Variants in FREM2 observed in about 807,000 individuals in gnomAD.
The protein encoded by FREM2 is FRAS1-related extracellular matrix protein 2.
FREM2 carries 119 observed loss-of-function variants against 219.9 expected under a neutral mutation model. The observed-to-expected ratio is 0.54, with a 90% CI of 0.47 to 0.63. FREM2 has a LOEUF of 0.63. FREM2 is among the 30% of genes least tolerant of loss of function. The pLI, the probability that FREM2 is intolerant of heterozygous loss-of-function variation, is 0.00. For missense variants in FREM2, 4,030 were observed against 3,993.6 expected (o/e 1.01, Z -0.25); for synonymous variants, 1,562 against 1,522.8 (o/e 1.03, Z -0.60).
At chr13:38,816,290 T>C (rs1253315243) in intron 6 of FREM2, among the ~76,000 whole-genome samples, 2 of 152,108 alleles carry the variant, frequency 1.3e-5, no homozygotes. Flanking sequence ...AAAGAAAAAC[T>C]ACAGGTTAGG....
chr13:38,789,174 A>T (rs1295564297), intron 6 of FREM2, among the ~76,000 whole-genome samples: 2 of 151,976 alleles, frequency 1.3e-5, no homozygotes, highest in Non-Finnish European at 2.9e-5. Context: ...GTAAACTTCA[A>T]ATAAGATTGA....
chr13:38,876,210 A>G (rs1311977275), intron 19 of FREM2, 38 bp from the exon 20 acceptor site: 1 of 1,614,058 alleles, frequency 6.2e-7, no homozygotes, highest in Non-Finnish European at 8.5e-7. Context: ...TACACCTCAG[A>G]TTTTTAAATG....
At chr13:38,808,813 G>A (rs1039635847) in intron 6 of FREM2, among the ~76,000 whole-genome samples, 66 of 151,916 alleles carry the variant, frequency 4.3e-4, no homozygotes, top group African/African-American at 1.5e-3. Flanking sequence ...GAGAAACAAA[G>A]TGAGAGCACA....
chr13:38,831,724 C>A (rs188252590), intron 6 of FREM2, among the ~76,000 whole-genome samples: 1 of 151,470 alleles, frequency 6.6e-6, no homozygotes, highest in East Asian at 2.0e-4. Context: ...ATCCTCCTGC[C>A]TCAGCCTCCT....
At position 38,848,613 on chromosome 13, in the gene FREM2, G is replaced by A. The variant is rs754818465; in HGVS notation, c.6322G>A (p.Ala2108Thr). The change falls in exon 8 of 24, where the codon GCA (alanine) becomes ACA (threonine). Residue 2108 changes from alanine (A) to threonine (T), a missense_variant. Ala to Thr is a moderately conservative substitution (Grantham distance 58). This residue lies in a region of FREM2 where 3,102 missense variants were observed against 2,950.7 expected (regional missense o/e 1.05). Coordinates refer to ENST00000280481, the MANE Select transcript of FREM2 (RefSeq NM_207361.6). ...FELVLRMPMN[A>T]ALGEPSKATV... The stretch of plus-strand genomic sequence containing the variant: ...ACTGGTGCTTCGCATGCCTATGAAC[G>A]CAGCCCTTGGCGAGCCCAGCAAAGC... 1.7e-5 allele frequency: 27 copies of A among 1,613,838 alleles called. No homozygotes were observed. Among genetic ancestry groups the A allele is most frequent in the East Asian group, 1.3e-4 (6 of 44,886 alleles).
chr13:38,834,872 C>T (rs1035098014), intron 6 of FREM2, among the ~76,000 whole-genome samples: 3 of 152,138 alleles, frequency 2.0e-5, no homozygotes, highest in Non-Finnish European at 2.9e-5. Context: ...GAATAGATTG[C>T]AAAGATTTTC....
intron 2 of FREM2, among the ~76,000 whole-genome samples, chr13:38,740,813 C>A (rs1416084577): frequency 6.6e-6 from 1 of 152,138 alleles, no homozygotes; most frequent in East Asian, 1.9e-4. Context: ...GATTTGGAAG[C>A]TTGCCCTTTT....
intron 1 of FREM2, among the ~76,000 whole-genome samples, chr13:38,695,579 G>A (rs549533253): frequency 6.6e-6 from 1 of 152,290 alleles, no homozygotes; most frequent in Non-Finnish European, 1.5e-5. Flanking sequence ...AGAGCCTTTA[G>A]ATTTTCTTAT....
intron 1 of FREM2, among the ~76,000 whole-genome samples, chr13:38,697,114 T>C (rs573972871): frequency 3.3e-5 from 5 of 152,312 alleles, no homozygotes; most frequent in South Asian, 4.1e-4. Context: ...TCCACTTTTA[T>C]TAGATGTTTT....
At position 38,837,775 on chromosome 13, in the gene FREM2, G is replaced by GTTTTTTTTTTTTTTTTTT. The variant is rs1555270912; in HGVS notation, c.6020-8794_6020-8793insTTTTTTTTTTTTTTTTTT. ...GGATTGCAACCCCTGGTTTTTTTTT[G>GTTTTTTTTTTTTTTTTTT]TTTTGTTTTGTTTTGTTTTTGCTTT... On this transcript the variant is annotated intron_variant, in intron 6 of 23. Coordinates refer to ENST00000280481, the MANE Select transcript of FREM2 (RefSeq NM_207361.6). Among the ~76,000 whole-genome samples, 301 of 128,592 alleles carry GTTTTTTTTTTTTTTTTTT rather than the reference G, an allele frequency of 2.3e-3. 15 individuals carry two copies. Among genetic ancestry groups the GTTTTTTTTTTTTTTTTTT allele is most frequent in the Admixed American group, 4.7e-3 (54 of 11,526 alleles). 84.4% of individuals were successfully genotyped at this position (128,592 alleles called of 152,430 possible).
intron 6 of FREM2, among the ~76,000 whole-genome samples, chr13:38,797,184 G>GT (rs1292522164): frequency 1.3e-5 from 2 of 151,946 alleles, no homozygotes; most frequent in East Asian, 3.9e-4. Context: ...TTACTATACT[G>GT]TTTTTTTATG....
At chr13:38,803,104 T>C (rs1479121985) in intron 6 of FREM2, among the ~76,000 whole-genome samples, 1 of 152,214 alleles carries the variant, frequency 6.6e-6, no homozygotes, top group Non-Finnish European at 1.5e-5. Context: ...TAGCTGCATC[T>C]AGTCAGCCCT....
chr13:38,866,667 CAAA>C (rs34237877), intron 16 of FREM2, among the ~76,000 whole-genome samples: 3 of 116,010 alleles, frequency 2.6e-5, no homozygotes, highest in Admixed American at 1.8e-4. Context: ...AACTCCATCT[CAAA>C]AAAAAAAAAA....
intron 6 of FREM2, among the ~76,000 whole-genome samples, chr13:38,797,856 T>C (rs1874854848): frequency 6.6e-6 from 1 of 152,108 alleles, no homozygotes; most frequent in Admixed American, 6.6e-5. Context: ...CATATAGATA[T>C]CCAATTTAGC....
intron 4 of FREM2, among the ~76,000 whole-genome samples, chr13:38,781,737 C>T (rs188474871): frequency 8.5e-5 from 13 of 152,226 alleles, no homozygotes; most frequent in East Asian, 5.8e-4. Flanking sequence ...AATTGAATCA[C>T]GTGACTATTT....
intron 2 of FREM2, among the ~76,000 whole-genome samples, chr13:38,701,656 T>C (rs1230411772): frequency 6.6e-6 from 1 of 152,122 alleles, no homozygotes; most frequent in Non-Finnish European, 1.5e-5. Context: ...TTTATTGTGA[T>C]GTGAAAGCTG....
At chr13:38,785,727 A>G (rs1874301011) in intron 6 of FREM2, among the ~76,000 whole-genome samples, 1 of 152,236 alleles carries the variant, frequency 6.6e-6, no homozygotes, top group African/African-American at 2.4e-5. Flanking sequence ...TGTGCCAGGC[A>G]TGGTACTGGC....
chr13:38,809,335 G>A (rs1437315779), intron 6 of FREM2, among the ~76,000 whole-genome samples: 1 of 151,240 alleles, frequency 6.6e-6, no homozygotes, highest in African/African-American at 2.4e-5. Context: ...CAGGTACGTA[G>A]TAGGTGTATA....
Position 38,850,091 on chromosome 13 carries a change from C to G in FREM2, c.6433C>G (p.Gln2145Glu), listed in dbSNP as rs369082387. The change falls in exon 9 of 24, where the codon CAG (glutamine) becomes GAG (glutamate). Residue 2145 changes from glutamine (Q) to glutamate (E), a missense_variant. Gln to Glu is a conservative substitution (Grantham distance 29). This residue lies in a region of FREM2 where 3,102 missense variants were observed against 2,950.7 expected (regional missense o/e 1.05). Coordinates refer to ENST00000280481, the MANE Select transcript of FREM2 (RefSeq NM_207361.6). ...ATATACTGGCAGCGAAAGTGATGGG[C>G]AGATAGTTACAATGATCCATAGGAC... is the stretch of plus-strand genomic sequence containing the variant. The part of the protein sequence containing the change: ...RIYTGSESDG[Q>E]IVTMIHRTGD... The G allele has an allele frequency of 3.1e-6, 5 of 1,613,908 alleles. No homozygotes were observed. The highest frequency in any genetic ancestry group is 4.2e-6 in the Non-Finnish European group (5 of 1,179,862).
Sources: allele counts gnomAD v4.1 joint callset (sites outside exome capture counted in the v4.1 genomes callset), GRCh38; gene constraint gnomAD v4.1.1; regional missense constraint gnomAD v4.1.1; transcripts MANE v1.5; gene names NCBI Gene and HGNC (gene_info 2026-07-23, HGNC 2026-07-21).